SLC38A9: variants seen among roughly 807,000 people sequenced by gnomAD.
SLC38A9 encodes the protein solute carrier family 38 member 9, also known as neutral amino acid transporter 9.
Under a neutral mutation model 62.3 loss-of-function variants are expected in SLC38A9, and 48 were observed. The ratio of observed to expected loss-of-function variants is 0.77; its 90% CI spans 0.61 to 0.98. SLC38A9 has a LOEUF of 0.98. Among genes scored for constraint, SLC38A9 ranks in the 50% least tolerant of loss-of-function variants. The probability of loss-of-function intolerance (pLI) is 0.00; values close to 1 mark genes in which losing one functional copy is unlikely to be tolerated. For missense variants in SLC38A9, 541 were observed against 679.8 expected, an observed-to-expected ratio of 0.80 and a Z score of 2.27; for synonymous variants, 204 against 227.7, an observed-to-expected ratio of 0.90 and a Z score of 0.94.
At chr5:55,682,636 A>C (rs1339031574) in intron 3 of SLC38A9, among the ~76,000 whole-genome samples, 2 of 152,170 alleles carry the variant, frequency 1.3e-5, no homozygotes, top group Non-Finnish European at 2.9e-5. Flanking sequence ...GCAGCCAGGC[A>C]TCCTGACATG....
rs1430364067 is a variant in SLC38A9, at chr5:55,664,849, T to C, written c.541A>G (p.Thr181Ala). 6.5e-7 allele frequency: 1 copy of C among 1,540,554 alleles called. No individual in the cohort carries two copies. Among genetic ancestry groups the C allele is most frequent in the Non-Finnish European group, 8.7e-7 (1 of 1,147,424 alleles). The change falls in exon 8 of 16, where the codon ACT (threonine) becomes GCT (alanine). Residue 181 changes from threonine (T) to alanine (A), a missense_variant. Physicochemically the swap from Thr to Ala is moderately conservative, Grantham distance 58. Coordinates refer to ENST00000396865, the MANE Select transcript of SLC38A9 (RefSeq NM_173514.4). ...CAGACATCTGGATATTCCCAGCTAG[T>C]GGTATCCAACGAAACTAGATAAAAT... ...SRTMMFSLDT[T>A]SWEYPDVCRH...
intron 3 of SLC38A9, among the ~76,000 whole-genome samples, chr5:55,694,550 C>T (rs979001369): frequency 6.6e-6 from 1 of 152,078 alleles, no homozygotes; most frequent in Non-Finnish European, 1.5e-5. Context: ...AAAAATAATT[C>T]AGAAGAATCA....
rs140212493 is a variant in SLC38A9, at chr5:55,683,069, G to A, written c.114-10374C>T. The stretch of plus-strand genomic sequence containing the variant: ...GGAGGCAGGCAGACAGACAACTAGC[G>A]AATAACTTGCAGAAGTAATGATGGC... On this transcript the variant is annotated intron_variant, in intron 3 of 15. Transcript: ENST00000396865. 1.3e-3 allele frequency among the ~76,000 whole-genome samples: 200 copies of A among 152,084 alleles called. No individual in the cohort carries two copies. The Middle Eastern group carries it at 0.014, about 10-fold the overall frequency.
At chr5:55,696,077 C>G (rs1580400606) in intron 3 of SLC38A9, 1 of 51,088 alleles carries the variant, frequency 2.0e-5, no homozygotes, top group South Asian at 1.1e-3. Flanking sequence ...GGGGGGCTGA[C>G]CCCCCCACCT....
intron 3 of SLC38A9, among the ~76,000 whole-genome samples, chr5:55,691,495 G>T (rs1010539481): frequency 3.9e-5 from 6 of 152,156 alleles, no homozygotes; most frequent in African/African-American, 1.4e-4. Flanking sequence ...AAAAACAAGA[G>T]AAGCTCAAAA....
rs773363332 is a variant in SLC38A9 at position 55,633,903 on chromosome 5, C to A, written c.1282-1G>T. The A allele has an allele frequency of 2.5e-6, 4 of 1,598,458 alleles. No homozygotes were observed. The highest frequency in any genetic ancestry group is 1.1e-5 in the South Asian group (1 of 88,912). ...TGCTAGGGAAGTTGTCTAAAAAATT[C>A]TAATCCAAGAAAGATAATGAGGTCA... On this transcript the variant is annotated splice_acceptor_variant, in intron 13 of 15. Transcript: ENST00000396865. LOFTEE classifies it high-confidence loss of function.
At chr5:55,709,363 AT>A (rs903639117) in intron 2 of SLC38A9, among the ~76,000 whole-genome samples, 20 of 152,020 alleles carry the variant, frequency 1.3e-4, no homozygotes, top group Non-Finnish European at 1.9e-4. Flanking sequence ...CCTGGTAGAC[AT>A]TTTTAACCTC....
At chr5:55,630,611 C>T (rs541376953) in intron 14 of SLC38A9, among the ~76,000 whole-genome samples, 10 of 152,120 alleles carry the variant, frequency 6.6e-5, no homozygotes, top group Middle Eastern at 3.4e-3. Context: ...CCACCACGAA[C>T]GGCTAAATTA....
chr5:55,638,807 G>T (rs1466346429), intron 12 of SLC38A9, among the ~76,000 whole-genome samples: 1 of 152,088 alleles, frequency 6.6e-6, no homozygotes, highest in African/African-American at 2.4e-5. Context: ...ATTTCAAATC[G>T]TTTTAAAGAA....
intron 3 of SLC38A9, among the ~76,000 whole-genome samples, chr5:55,691,745 C>G (rs1221116726): frequency 2.0e-5 from 3 of 152,130 alleles, no homozygotes; most frequent in Non-Finnish European, 2.9e-5. Flanking sequence ...CCTTTCTGTC[C>G]CTCCACTCAC....
At chr5:55,633,694 C>A in intron 14 of SLC38A9, 60 bp downstream of exon 14, 1 of 1,608,352 alleles carries the variant, frequency 6.2e-7, no homozygotes, top group Non-Finnish European at 8.5e-7. Flanking sequence ...TTTAAACTGA[C>A]CTGCTTGCAC....
intron 5 of SLC38A9, 51 bp downstream of exon 5, chr5:55,669,707 T>G: frequency 6.3e-7 from 1 of 1,587,872 alleles, no homozygotes. Context: ...AAACCAGTAA[T>G]TTTCATCCAT....
At chr5:55,694,989 G>GT (rs891680335) in intron 3 of SLC38A9, among the ~76,000 whole-genome samples, 9 of 152,116 alleles carry the variant, frequency 5.9e-5, no homozygotes, top group African/African-American at 1.9e-4. Flanking sequence ...TTGGCCTCAA[G>GT]TGATCCACCC....
At chr5:55,710,695 A>T (rs1274932510) in intron 2 of SLC38A9, among the ~76,000 whole-genome samples, 2 of 151,604 alleles carry the variant, frequency 1.3e-5, no homozygotes, top group Non-Finnish European at 2.9e-5. Flanking sequence ...AGCTCACTGC[A>T]ACCTCCGCCT....
At chr5:55,647,539 T>C (rs1746612248) in intron 11 of SLC38A9, among the ~76,000 whole-genome samples, 1 of 152,156 alleles carries the variant, frequency 6.6e-6, no homozygotes, top group African/African-American at 2.4e-5. Context: ...TAAAATAAGA[T>C]CTATTAGTTT....
chr5:55,667,817 CT>C (rs200593109), intron 7 of SLC38A9, among the ~76,000 whole-genome samples: 1,603 of 152,280 alleles, frequency 0.011, 23 homozygotes, highest in African/African-American at 0.037. Context: ...GCAAGCTCCA[CT>C]TCCTGGGTTC....
Position 55,659,883 on chromosome 5 carries a change from A to G in SLC38A9, c.698-3109T>C, listed in dbSNP as rs1749169889. 1.3e-5 allele frequency among the ~76,000 whole-genome samples: 2 copies of G among 151,660 alleles called. 1 individual carries two copies. The highest frequency in any genetic ancestry group is 6.8e-3 in the Middle Eastern group (2 of 294). Reference sequence around the variant, plus strand: ...CAGGTTCATGCCATTCTCCTGCGTCAGCCTCCCAAGTAGCTGGGACTACAG... The same window carrying G: ...CAGGTTCATGCCATTCTCCTGCGTCGGCCTCCCAAGTAGCTGGGACTACAG... On this transcript the variant is annotated intron_variant, in intron 8 of 15. Coordinates refer to ENST00000396865, the MANE Select transcript of SLC38A9 (RefSeq NM_173514.4).
intron 3 of SLC38A9, among the ~76,000 whole-genome samples, chr5:55,691,633 T>C (rs940084699): frequency 6.6e-6 from 1 of 152,212 alleles, no homozygotes; most frequent in Non-Finnish European, 1.5e-5. Context: ...TCAGGTTCTA[T>C]CTTTGGCTAC....
intron 15 of SLC38A9, among the ~76,000 whole-genome samples, chr5:55,626,866 T>C (rs1294296225): frequency 1.3e-5 from 2 of 152,220 alleles, no homozygotes; most frequent in East Asian, 3.8e-4. Flanking sequence ...TGCTCATCTT[T>C]ATAGCATCTG....
Sources: gnomAD v4.1 joint callset for allele counts (sites outside exome capture counted in the v4.1 genomes callset) on GRCh38, gnomAD v4.1.1 for gene constraint, MANE v1.5 for transcripts, NCBI Gene and HGNC (gene_info 2026-07-23, HGNC 2026-07-21) for gene names.